Variants in VPS45 observed in about 807,000 individuals in gnomAD.
VPS45 encodes vacuolar protein sorting 45 homolog.
A neutral mutation model predicts 75.9 loss-of-function variants in VPS45; 35 were observed. The ratio of observed to expected loss-of-function variants is 0.46; its 90% CI spans 0.35 to 0.61. The LOEUF is 0.61. Among genes scored for constraint, VPS45 ranks in the 20% least tolerant of loss-of-function variants. The probability of loss-of-function intolerance (pLI) is 0.00; values close to 1 mark genes in which losing one functional copy is unlikely to be tolerated. For synonymous variants in VPS45, 220 were observed against 238.2 expected, an observed-to-expected ratio of 0.92 and a Z score of 0.70; for missense variants, 559 against 685.9, an observed-to-expected ratio of 0.81 and a Z score of 2.07.
chr1:150,138,559 T>G (rs1454116066), intron 14 of VPS45, among the ~76,000 whole-genome samples: 2 of 152,184 alleles, frequency 1.3e-5, no homozygotes, highest in African/African-American at 4.8e-5. Flanking sequence ...AGGACTGTCC[T>G]TTGCATTATA....
At chr1:150,118,440 C>T (rs371229895) in intron 14 of VPS45, among the ~76,000 whole-genome samples, 104 of 152,020 alleles carry the variant, frequency 6.8e-4, no homozygotes, top group African/African-American at 2.5e-3. Context: ...GAGTCTTGCT[C>T]TGTCGCCCAG....
intron 7 of VPS45, among the ~76,000 whole-genome samples, chr1:150,081,109 C>A (rs1411523218): frequency 2.6e-5 from 4 of 152,248 alleles, no homozygotes; most frequent in African/African-American, 9.6e-5. Flanking sequence ...AATCTTGCTG[C>A]CCTTTTTCCA....
intron 14 of VPS45, among the ~76,000 whole-genome samples, chr1:150,117,572 T>C (rs1198800987): frequency 1.4e-5 from 2 of 141,846 alleles, no homozygotes; most frequent in African/African-American, 5.3e-5. Flanking sequence ...TAAAAATAAG[T>C]TGGGGGCCAG....
chr1:150,144,584 C>A, intron 14 of VPS45, 125 bp from the exon 15 acceptor site: 1 of 787,608 alleles, frequency 1.3e-6, no homozygotes, highest in Non-Finnish European at 2.0e-6. Context: ...ACCCAAATAT[C>A]AGACCAGTAC....
At chr1:150,142,442 A>ACATTTCCAT (rs1659439669) in intron 14 of VPS45, among the ~76,000 whole-genome samples, 9 of 152,336 alleles carry the variant, frequency 5.9e-5, no homozygotes, top group Admixed American at 5.2e-4. Flanking sequence ...ATTTCCATAG[A>ACATTTCCAT]GGAACAAATG....
Position 150,141,950 on chromosome 1 carries a change from A to G in VPS45, c.1626-2759A>G, listed in dbSNP as rs375543687. Among the ~76,000 whole-genome samples the G allele has an allele frequency of 2.8e-3, 425 of 152,254 alleles. 1 individual carries two copies. The highest frequency in any genetic ancestry group is 0.027 in the Middle Eastern group (8 of 294). On this transcript the variant is annotated intron_variant, in intron 14 of 14. Coordinates refer to ENST00000644510, the MANE Select transcript of VPS45 (RefSeq NM_007259.5). The stretch of plus-strand genomic sequence containing the variant: ...TTTGCTTTTAAGTGAGATTGATTTA[A>G]AATGAATTTAGAAAGAAAAATTATT...
rs71743388 is a variant in VPS45 at position 150,097,090 on chromosome 1, C to CTTTT, written c.1493+3454_1493+3457dup. Among the ~76,000 whole-genome samples the CTTTT allele has an allele frequency of 2.2e-5, 3 of 138,382 alleles. 1 individual carries two copies. Among genetic ancestry groups the CTTTT allele is most frequent in the Non-Finnish European group, 1.5e-5 (1 of 66,042 alleles). 90.8% of individuals were successfully genotyped at this position (138,382 alleles called of 152,430 possible). A position where few individuals can be genotyped will look rare whatever the true frequency, so the allele number is the denominator to read the frequency against. ...AAGCAGGATGTTGTAACATTTCTTT[C>CTTTT]TTTTTTTTTTTTTTTGAGACAGAGT... On this transcript the variant is annotated intron_variant, in intron 13 of 14. Coordinates refer to ENST00000644510, the MANE Select transcript of VPS45 (RefSeq NM_007259.5).
At chr1:150,133,946 A>G (rs1658951085) in intron 14 of VPS45, among the ~76,000 whole-genome samples, 1 of 152,182 alleles carries the variant, frequency 6.6e-6, no homozygotes. Context: ...CTTCTCAATA[A>G]GAGAGGAAAT....
chr1:150,077,094 G>C lies in VPS45; in HGVS notation c.439G>C (p.Gly147Arg), dbSNP rs1655432903. ...FSLNILGCCQ[G>R]RNWDPAQLSR... is the part of the protein sequence containing the mutation. ...CTGAATATATGTTTTTAACAAAAAG[G>C]GTCGAAATTGGGATCCAGCCCAGCT... Residue 147 changes from glycine (G) to arginine (R), a missense_variant and splice_region_variant, in exon 6 of 15, where the codon GGT (glycine) becomes CGT (arginine). Gly to Arg is a moderately radical substitution (Grantham distance 125, BLOSUM62 -2). Transcript: ENST00000644510. The C allele has an allele frequency of 3.1e-6, 5 of 1,613,632 alleles. No homozygotes were observed. Among genetic ancestry groups the C allele is most frequent in the Non-Finnish European group, 1.7e-6 (2 of 1,179,878 alleles).
At chr1:150,107,531 C>A (rs781972102) in intron 13 of VPS45, among the ~76,000 whole-genome samples, 1 of 152,182 alleles carries the variant, frequency 6.6e-6, no homozygotes, top group African/African-American at 2.4e-5. Context: ...CTTACACTAG[C>A]CTTTTATTCT....
chr1:150,140,386 G>GGTTTGTGT (rs1247879886), intron 14 of VPS45, among the ~76,000 whole-genome samples: 214 of 140,430 alleles, frequency 1.5e-3, no homozygotes, highest in Middle Eastern at 3.7e-3. Flanking sequence ...CATCACTTCT[G>GGTTTGTGT]GTGTGTGTGT....
At chr1:150,113,896 A>G (rs1464246362) in intron 14 of VPS45, among the ~76,000 whole-genome samples, 3 of 152,156 alleles carry the variant, frequency 2.0e-5, no homozygotes, top group Non-Finnish European at 4.4e-5. Context: ...CTCTGTCTCA[A>G]AGAAAAAAAG....
intron 3 of VPS45, among the ~76,000 whole-genome samples, chr1:150,072,539 C>G (rs1200208906): frequency 6.6e-6 from 1 of 151,980 alleles, no homozygotes; most frequent in Non-Finnish European, 1.5e-5. Flanking sequence ...TGCCTGTAAT[C>G]CCAGCTACTT....
At chr1:150,074,651 G>T (rs757837273) in intron 3 of VPS45, among the ~76,000 whole-genome samples, 1 of 152,184 alleles carries the variant, frequency 6.6e-6, no homozygotes, top group African/African-American at 2.4e-5. Context: ...GCCTCCCAAA[G>T]TGATGGGATT....
chr1:150,121,806 C>T (rs1370285788), intron 14 of VPS45, among the ~76,000 whole-genome samples: 1 of 152,104 alleles, frequency 6.6e-6, no homozygotes, highest in East Asian at 1.9e-4. Flanking sequence ...ATGAATAAAA[C>T]AAAGATCCTA....
chr1:150,084,951 G>T (rs1655925513), intron 10 of VPS45, among the ~76,000 whole-genome samples: 1 of 152,046 alleles, frequency 6.6e-6, no homozygotes, highest in Non-Finnish European at 1.5e-5. Flanking sequence ...AAAGAAAGAA[G>T]TCTACCTGTG....
At chr1:150,076,200 T>A in intron 3 of VPS45, 33 bp from the exon 4 acceptor site, 2 of 1,549,320 alleles carry the variant, frequency 1.3e-6, no homozygotes, top group Non-Finnish European at 1.8e-6. Flanking sequence ...AGAAATTATC[T>A]CCTTTGAGTC....
chr1:150,142,991 C>T, intron 14 of VPS45: 1 of 332,744 alleles, frequency 3.0e-6, no homozygotes, highest in African/African-American at 2.2e-5. Flanking sequence ...GCTGTCTTGC[C>T]AATGGGTAGC....
At chr1:150,084,394 T>C (rs1310151289) in intron 10 of VPS45, among the ~76,000 whole-genome samples, 2 of 151,948 alleles carry the variant, frequency 1.3e-5, no homozygotes, top group Admixed American at 6.6e-5. Flanking sequence ...AGACTTACAG[T>C]GATAGTAGTA....
Sources: allele counts gnomAD v4.1 joint callset (sites outside exome capture counted in the v4.1 genomes callset), GRCh38; gene constraint gnomAD v4.1.1; transcripts MANE v1.5; gene names NCBI Gene and HGNC (gene_info 2026-07-23, HGNC 2026-07-21).